Variants in LZIC observed in about 807,000 individuals in gnomAD.
The protein encoded by LZIC is leucine zipper and CTNNBIP1 domain containing, also known as protein LZIC.
Under a neutral mutation model 25.4 loss-of-function variants are expected in LZIC, and 28 were observed. The observed-to-expected ratio is 1.10, with a 90% CI of 0.82 to 1.51. The LOEUF is 1.51. LZIC is among the 40% of genes most tolerant of loss of function. The pLI is 0.00. For missense variants in LZIC, 170 were observed against 211.1 expected (o/e 0.81, Z 1.21); for synonymous variants, 65 against 70.7 (o/e 0.92, Z 0.40).
chr1:9,932,749 T>G, intron 6 of LZIC, 54 bp downstream of exon 6: 5 of 1,033,508 alleles, frequency 4.8e-6, no homozygotes, highest in Non-Finnish European at 7.5e-6. Flanking sequence ...CAAGATGTTC[T>G]GTACCAAATA....
chr1:9,934,950 A>C, intron 4 of LZIC, 90 bp from the exon 5 acceptor site: 2 of 967,440 alleles, frequency 2.1e-6, no homozygotes, highest in East Asian at 2.4e-5. Flanking sequence ...ATTTTTATCA[A>C]GGTTTACTGG....
At chr1:9,937,108 A>T (rs1490709444) in intron 2 of LZIC, among the ~76,000 whole-genome samples, 4 of 149,860 alleles carry the variant, frequency 2.7e-5, no homozygotes, top group Admixed American at 2.0e-4. Context: ...CTAAAGAGAA[A>T]AAAAGGCCAG....
rs973282030 is a variant in LZIC, at chr1:9,926,632, T to C, written c.*3767A>G. ...GAAACATCAGAATTGTTTAAAACACTAGATTTCATTCAATGGTCCGATTGG... is the reference window on the plus strand; with the variant it reads ...GAAACATCAGAATTGTTTAAAACACCAGATTTCATTCAATGGTCCGATTGG... On this transcript the variant is annotated 3_prime_UTR_variant, in exon 8 of 8. Transcript: ENST00000377223. Among the ~76,000 whole-genome samples the C allele has an allele frequency of 6.6e-6, 1 of 152,206 alleles. No individual in the cohort carries two copies. Among genetic ancestry groups the C allele is most frequent in the Non-Finnish European group, 1.5e-5 (1 of 68,040 alleles).
Position 9,934,841 on chromosome 1 carries a change from C to G in LZIC, c.257G>C (p.Ser86Thr), listed in dbSNP as rs758358249. Residue 86 changes from serine (S) to threonine (T), a missense_variant, in exon 5 of 8, where the codon AGC becomes ACC. By Grantham distance (58) the Ser-to-Thr change is moderately conservative (BLOSUM62 1). Coordinates refer to ENST00000377223, the MANE Select transcript of LZIC (RefSeq NM_032368.5). ...GACCTCTGGGGTTTTAAAGGCCTGG[C>G]TGATAGCTGCCTGAATAGCCTAGAA... is the stretch of plus-strand genomic sequence containing the variant. ...GMQLAIQAAI[S>T]QAFKTPEVIR... 6.2e-7 allele frequency: 1 copy of G among 1,614,068 alleles called. No individual in the cohort carries two copies. The highest frequency in any genetic ancestry group is 8.5e-7 in the Non-Finnish European group (1 of 1,179,974).
chr1:9,925,682 C>G (rs1639963106), downstream of LZIC, among the ~76,000 whole-genome samples: 1 of 151,940 alleles, frequency 6.6e-6, no homozygotes, highest in Admixed American at 6.6e-5. Context: ...CTCTGCCTCC[C>G]AGGTTCAAGT....
At chr1:9,937,406 G>GA (rs375905214) in intron 2 of LZIC, among the ~76,000 whole-genome samples, 6 of 148,702 alleles carry the variant, frequency 4.0e-5, no homozygotes, top group African/African-American at 7.4e-5. Context: ...AAAAAAAAAA[G>GA]AAAAAAAAAT....
chr1:9,934,614 T>C (rs1031830290), intron 5 of LZIC, 148 bp downstream of exon 5: 3 of 694,012 alleles, frequency 4.3e-6, no homozygotes, highest in Middle Eastern at 2.6e-4. Context: ...TTATCAACTA[T>C]AATTGCTCAA....
chr1:9,932,812 A>G lies in LZIC; in HGVS notation c.423T>C (p.Leu141=). The G allele has an allele frequency of 6.3e-7, 1 of 1,597,318 alleles. No individual in the cohort carries two copies. The highest frequency in any genetic ancestry group is 8.6e-7 in the Non-Finnish European group (1 of 1,165,536). Residue 141 remains leucine (L), a synonymous_variant, in exon 6 of 8, where the codon CTT becomes CTC. Transcript: ENST00000377223. ...KVEILTALRK[L]GEKLTADDEA... ...TATTAAATACTGGTACCTTCTCTCC[A>G]AGTTTCCTAAGAGCTGTTAGTATCT...
Position 9,930,375 on chromosome 1 carries a change from A to G in LZIC, c.*24T>C, listed in dbSNP as rs771855432. 5.0e-6 allele frequency: 8 copies of G among 1,608,762 alleles called. No individual in the cohort carries two copies. The South Asian group carries it at 6.7e-5, about 13-fold the overall frequency. On this transcript the variant is annotated 3_prime_UTR_variant, in exon 8 of 8. Coordinates refer to ENST00000377223, the MANE Select transcript of LZIC (RefSeq NM_032368.5). ...CACCATTTACATTAAGAATGTGATC[A>G]ATGTTACAAGCTTCTGCACCATGTC... is the stretch of plus-strand genomic sequence containing the variant.
intron 4 of LZIC, among the ~76,000 whole-genome samples, chr1:9,935,251 A>G (rs1640403537): frequency 6.6e-6 from 1 of 152,136 alleles, no homozygotes; most frequent in African/African-American, 2.4e-5. Flanking sequence ...CAACATGGAG[A>G]AACCCCGTCT....
At chr1:9,931,660 G>C (rs1177652139) in intron 7 of LZIC, among the ~76,000 whole-genome samples, 1 of 152,166 alleles carries the variant, frequency 6.6e-6, no homozygotes, top group Non-Finnish European at 1.5e-5. Flanking sequence ...TTAGTTTTCT[G>C]TTATAGTTAC....
At chr1:9,932,685 GAAAAAAAAA>G (rs34009055) in intron 6 of LZIC, 109 bp downstream of exon 6, 7 of 282,940 alleles carry the variant, frequency 2.5e-5, no homozygotes, top group African/African-American at 1.5e-4. Flanking sequence ...CTCCGTCTCA[GAAAAAAAAA>G]AAAAAAAAAA....
At chr1:9,934,271 G>C (rs1335089928) in intron 5 of LZIC, among the ~76,000 whole-genome samples, 2 of 151,526 alleles carry the variant, frequency 1.3e-5, no homozygotes, top group African/African-American at 2.4e-5. Context: ...TACCTCAGTA[G>C]TGAAGCAGGA....
In LZIC at chr1:9,942,209, G is replaced by A. The variant is rs1350741035; in HGVS notation, c.-9+415C>T. 3.3e-5 allele frequency among the ~76,000 whole-genome samples: 5 copies of A among 152,188 alleles called. No individual in the cohort carries two copies. In the East Asian group the frequency reaches 7.7e-4, roughly 24 times the overall value. On this transcript the variant is annotated intron_variant, in intron 2 of 7. Transcript: ENST00000377223. ...TGGGATTACAGGCGTGAGTCACCGC[G>A]CCCAGCTCAAATCTTATTCTCTATT... is the stretch of plus-strand genomic sequence containing the variant.
rs1288007262 is a variant in LZIC, at chr1:9,926,741, GAC to G, written c.*3656_*3657del. 4.6e-5 allele frequency among the ~76,000 whole-genome samples: 7 copies of G among 152,164 alleles called. No homozygotes were observed. Among genetic ancestry groups the G allele is most frequent in the African/African-American group, 1.7e-4 (7 of 41,444 alleles). Reference sequence around the variant, plus strand: ...ATTCCTTTCACCAAAATATTAGCCTGACACAAGAATGTTGAAAGGTTAGCTGC... The same window carrying G: ...ATTCCTTTCACCAAAATATTAGCCTGACAAGAATGTTGAAAGGTTAGCTGC... On this transcript the variant is annotated 3_prime_UTR_variant, in exon 8 of 8. Coordinates refer to ENST00000377223, the MANE Select transcript of LZIC (RefSeq NM_032368.5).
At chr1:9,939,368 T>TC (rs1553122739) in intron 2 of LZIC, among the ~76,000 whole-genome samples, 949 of 50,842 alleles carry the variant, frequency 0.019, 12 homozygotes, top group South Asian at 0.066. Context: ...GGCTTTTTTT[T>TC]TTTTCTTTTT....
At chr1:9,937,683 C>T (rs1050941954) in intron 2 of LZIC, among the ~76,000 whole-genome samples, 3 of 151,426 alleles carry the variant, frequency 2.0e-5, no homozygotes, top group Non-Finnish European at 4.4e-5. Flanking sequence ...TTCATCTCTA[C>T]AAAGAATAGA....
downstream of LZIC, among the ~76,000 whole-genome samples, chr1:9,924,017 G>A: frequency 6.6e-6 from 1 of 152,206 alleles, no homozygotes; most frequent in East Asian, 1.9e-4. Flanking sequence ...CTCCCAAAGT[G>A]CTGGGATTAC....
In LZIC at chr1:9,935,532, C is replaced by G; in HGVS notation, c.197G>C (p.Gly66Ala). The change falls in exon 4 of 8, where the codon GGA (glycine) becomes GCA (alanine). Residue 66 changes from glycine (G) to alanine (A), a missense_variant. Physicochemically the swap from Gly to Ala is moderately conservative, Grantham distance 60 (BLOSUM62 0). Transcript: ENST00000377223. ...TAGTTCATCTACCAAAGTCATATTTCCAGACATAATTTTCTTTAGTGAATC... is the reference window on the plus strand; with the variant it reads ...TAGTTCATCTACCAAAGTCATATTTGCAGACATAATTTTCTTTAGTGAATC... Reference protein sequence around the residue: ...FNDSLKKIMSGNMTLVDELSG... With the variant: ...FNDSLKKIMSANMTLVDELSG... The G allele has an allele frequency of 6.2e-7, 1 of 1,612,066 alleles. No homozygotes were observed. Among genetic ancestry groups the G allele is most frequent in the Non-Finnish European group, 8.5e-7 (1 of 1,179,526 alleles).
Sources: gnomAD v4.1 joint callset for allele counts (sites outside exome capture counted in the v4.1 genomes callset) on GRCh38, gnomAD v4.1.1 for gene constraint, MANE v1.5 for transcripts, NCBI Gene and HGNC (gene_info 2026-07-23, HGNC 2026-07-21) for gene names.